ABCA10: variants seen among roughly 807,000 people sequenced by gnomAD.
ABCA10 encodes ATP binding cassette subfamily A member 10, also known as ATP-binding cassette sub-family A member 10.
ABCA10 carries 169 observed loss-of-function variants against 187.5 expected under a neutral mutation model. The ratio of observed to expected loss-of-function variants is 0.90; its 90% CI spans 0.80 to 1.02. The LOEUF (loss-of-function observed/expected upper bound fraction) is 1.02. Ranked by LOEUF, ABCA10 falls within the 50% of genes least tolerant of loss-of-function variation. ABCA10 has a pLI of 0.00. For synonymous variants in ABCA10, 574 were observed against 601.8 expected (o/e 0.95, Z 0.68); for missense variants, 1,727 against 1,812.4 (o/e 0.95, Z 0.86).
At position 69,185,567 on chromosome 17, in the gene ABCA10, A is replaced by G. The variant is rs777786264; in HGVS notation, c.2407T>C (p.Cys803Arg). The G allele has an allele frequency of 1.9e-6, 3 of 1,612,638 alleles. No homozygotes were observed. The highest frequency in any genetic ancestry group is 2.7e-5 in the African/African-American group (2 of 74,886). Residue 803 changes from cysteine (C) to arginine (R), a missense_variant, in exon 20 of 39, where the codon TGT (cysteine) becomes CGT (arginine). Cys to Arg is a radical substitution (Grantham distance 180, BLOSUM62 -3). Coordinates refer to ENST00000690296, the MANE Select transcript of ABCA10 (RefSeq NM_001377321.1). ...IMYKVTRETH[C>R]WEFSPSMYFL... ...TACATACTGGGTGAAAACTCCCAAC[A>G]ATGAGTTTCACGAGTTACTTTATAC...
At chr17:69,214,962 C>T (rs2074692870) in intron 8 of ABCA10, 111 bp from the exon 9 acceptor site, 1 of 738,484 alleles carries the variant, frequency 1.4e-6, no homozygotes. Flanking sequence ...ATTTTAATAC[C>T]TTTTCAAATA....
Position 69,222,444 on chromosome 17 carries a change from T to C in ABCA10, c.199+89A>G. ...GGGAAATGTATATTAATTCTTTACT[T>C]GGTTGTATTAATATTCCTATCAGTC... On this transcript the variant is annotated intron_variant, in intron 4 of 38. Transcript: ENST00000690296. The C allele has an allele frequency of 2.8e-6, 3 of 1,057,284 alleles. No homozygotes were observed. The South Asian group carries it at 6.0e-5, about 21-fold the overall frequency. The allele number at this position is 1,057,284 out of a possible 1,614,324, so 65.5% of individuals were successfully genotyped here.
In ABCA10 at chr17:69,216,020, T is replaced by C. The variant is rs2074701082; in HGVS notation, c.673-20A>G. On this transcript the variant is annotated intron_variant, in intron 7 of 38. Coordinates refer to ENST00000690296, the MANE Select transcript of ABCA10 (RefSeq NM_001377321.1). ...TGCTATCTGAAGGAAGAAAGAGGTC[T>C]GATTGGTATATTTTTCCTTGAAGAT... 6.3e-7 allele frequency: 1 copy of C among 1,593,044 alleles called. No individual in the cohort carries two copies. The highest frequency in any genetic ancestry group is 8.5e-7 in the Non-Finnish European group (1 of 1,174,620).
Position 69,182,834 on chromosome 17 carries a change from A to AG in ABCA10, c.2498-27dup. ...CTAACATAGTGGAAGGAAGGCAACA[A>AG]GAAAAAAAAAAAAAAAGCAAGAAAA... On this transcript the variant is annotated intron_variant, in intron 20 of 38. Transcript: ENST00000690296. 5 of 1,432,516 alleles carry AG rather than the reference A, an allele frequency of 3.5e-6. No homozygotes were observed. The African/African-American group carries it at 9.2e-5, about 26-fold the overall frequency. The allele number at this position is 1,432,516 out of a possible 1,614,324, so 88.7% of individuals were successfully genotyped here. A position where few individuals can be genotyped will look rare whatever the true frequency, so the allele number is the denominator to read the frequency against.
At chr17:69,215,773 T>C in intron 8 of ABCA10, 42 bp downstream of exon 8, 1 of 1,403,370 alleles carries the variant, frequency 7.1e-7, no homozygotes, top group African/African-American at 1.5e-5. Context: ...GAACATATTT[T>C]GAAAATCTAA....
chr17:69,242,929 G>T (rs1392378506), intron 1 of ABCA10, among the ~76,000 whole-genome samples: 2 of 152,138 alleles, frequency 1.3e-5, no homozygotes, highest in African/African-American at 4.8e-5. Context: ...ACAACTTAAA[G>T]CTCAAAAATC....
Position 69,153,937 on chromosome 17 carries a change from G to A in ABCA10, c.3859C>T (p.Pro1287Ser), listed in dbSNP as rs556543958. ...DNSLKFLGYC[P>S]QENSLWPKLT... Reference sequence around the variant, plus strand: ...TTGGGCCACAGTGAGTTCTCCTGAGGGCAGTACCCCAAGAACTTGAGGCTG... The same window carrying A: ...TTGGGCCACAGTGAGTTCTCCTGAGAGCAGTACCCCAAGAACTTGAGGCTG... The change falls in exon 32 of 39, where the codon CCT becomes TCT. Residue 1287 changes from proline (P) to serine (S), a missense_variant. Transcript: ENST00000690296. 62 of 1,614,010 alleles carry A rather than the reference G, an allele frequency of 3.8e-5. No homozygotes were observed. The highest frequency in any genetic ancestry group is 1.7e-4 in the Middle Eastern group (1 of 6,060).
At chr17:69,211,870 C>G (rs534864043) in intron 9 of ABCA10, among the ~76,000 whole-genome samples, 1 of 152,200 alleles carries the variant, frequency 6.6e-6, no homozygotes, top group South Asian at 2.1e-4. Context: ...TGGATCTTCT[C>G]TCTTTTCTTG....
intron 10 of ABCA10, among the ~76,000 whole-genome samples, chr17:69,200,874 G>A (rs2074538727): frequency 6.6e-6 from 1 of 152,118 alleles, no homozygotes. Flanking sequence ...CACCATGCCT[G>A]GCTAATTTTT....
intron 10 of ABCA10, among the ~76,000 whole-genome samples, chr17:69,199,780 G>A (rs181661119): frequency 3.0e-4 from 46 of 152,148 alleles, no homozygotes; most frequent in African/African-American, 1.1e-3. Flanking sequence ...ACGAGCTTTC[G>A]GCCTGACAAA....
At chr17:69,162,840 T>TATACATATACATATAC (rs67276822) in intron 27 of ABCA10, among the ~76,000 whole-genome samples, 7,779 of 138,474 alleles carry the variant, frequency 0.056, 337 homozygotes, top group Non-Finnish European at 0.076. Flanking sequence ...TACATATACA[T>TATACATATACATATAC]ATATATATAT....
chr17:69,215,758 A>T, intron 8 of ABCA10, 57 bp downstream of exon 8: 1 of 1,355,416 alleles, frequency 7.4e-7, no homozygotes, highest in Non-Finnish European at 9.6e-7. Context: ...CAAATTCTTG[A>T]ATAAGAACAT....
intron 27 of ABCA10, among the ~76,000 whole-genome samples, chr17:69,162,853 A>AGATATATG (rs2074228304): frequency 6.7e-6 from 1 of 149,530 alleles, no homozygotes; most frequent in South Asian, 2.1e-4. Context: ...ATATATATAT[A>AGATATATG]TATGAGACGG....
Position 69,154,254 on chromosome 17 carries a change from G to A in ABCA10, c.3767C>T (p.Thr1256Ile), listed in dbSNP as rs908500288. Residue 1256 changes from threonine (T) to isoleucine (I), a missense_variant, in exon 31 of 39, where the codon ACA becomes ATA. By Grantham distance (89) the Thr-to-Ile change is moderately conservative. Transcript: ENST00000690296. ...STSIKMITGC[T>I]KPTAGVVVLQ... is the part of the protein sequence containing the mutation. ...ACATACCACTCCTGCAGTTGGCTTT[G>A]TGCACCCAGTTATCATTTTAATGGA... The A allele has an allele frequency of 3.7e-6, 6 of 1,611,484 alleles. No individual in the cohort carries two copies. Among genetic ancestry groups the A allele is most frequent in the Non-Finnish European group, 5.1e-6 (6 of 1,179,176 alleles).
At chr17:69,162,705 A>G (rs1428953221) in intron 27 of ABCA10, among the ~76,000 whole-genome samples, 1 of 152,086 alleles carries the variant, frequency 6.6e-6, no homozygotes, top group Non-Finnish European at 1.5e-5. Context: ...TGACAAGGTT[A>G]AATTCCCAGG....
Position 69,201,649 on chromosome 17 carries a change from A to G in ABCA10, c.1026T>C (p.Asp342=), listed in dbSNP as rs1450816916. Residue 342 remains aspartate (D), a synonymous_variant, in exon 10 of 39, where the codon GAT becomes GAC. Transcript: ENST00000690296. ...RVLPDKDGHG[D]SPLFFLKSSF... ...AGGACTTAAGGAAAAATAATGGAGA[A>G]TCCCCATGGCCATCTTTATCTAATT... The G allele has an allele frequency of 6.2e-7, 1 of 1,606,188 alleles. No homozygotes were observed. Among genetic ancestry groups the G allele is most frequent in the South Asian group, 1.1e-5 (1 of 88,976 alleles).
intron 25 of ABCA10, among the ~76,000 whole-genome samples, chr17:69,173,643 C>T (rs1954422813): frequency 6.6e-6 from 1 of 152,042 alleles, no homozygotes; most frequent in African/African-American, 2.4e-5. Context: ...CTTGACCAAC[C>T]TTTTAGATTT....
At chr17:69,219,041 T>C (rs927490223) in intron 6 of ABCA10, among the ~76,000 whole-genome samples, 1 of 152,150 alleles carries the variant, frequency 6.6e-6, no homozygotes, top group African/African-American at 2.4e-5. Flanking sequence ...GAGATTTTAT[T>C]ATATATGATG....
In ABCA10 at chr17:69,149,069, C is replaced by T. The variant is rs764794559; in HGVS notation, c.4497G>A (p.Leu1499=). 3.1e-6 allele frequency: 5 copies of T among 1,613,850 alleles called. No individual in the cohort carries two copies. In the Admixed American group the frequency reaches 8.3e-5, roughly 27 times the overall value. Residue 1499 remains leucine, a synonymous_variant, in exon 38 of 39, where the codon CTG becomes CTA. Transcript: ENST00000690296. ...TAGCCTGAGAGAGGCTGTATTCCTC[C>T]AGGTTGAAGGTCTGTTTCACTGCAT... The part of the protein sequence containing the change: ...KLEAMKQTFN[L]EEYSLSQATL...
Sources: gnomAD v4.1 joint callset for allele counts (sites outside exome capture counted in the v4.1 genomes callset) on GRCh38, gnomAD v4.1.1 for gene constraint, MANE v1.5 for transcripts, NCBI Gene and HGNC (gene_info 2026-07-23, HGNC 2026-07-21) for gene names.